ZNF415: variants seen among roughly 807,000 people sequenced by gnomAD.
The protein encoded by ZNF415 is zinc finger protein 415.
In ZNF415, 5 loss-of-function variants were observed where a neutral mutation model predicts 7.3. The ratio of observed to expected loss-of-function variants is 0.69; its 90% CI spans 0.36 to 1.44. The LOEUF is 1.44. Ranked by LOEUF, ZNF415 falls within the 40% of genes most tolerant of loss-of-function variation. The probability of loss-of-function intolerance (pLI) is 0.04; values close to 1 mark genes in which losing one functional copy is unlikely to be tolerated. For synonymous variants in ZNF415, 207 were observed against 226.3 expected (o/e 0.91, Z 0.77); for missense variants, 628 against 664.8 (o/e 0.94, Z 0.61).
intron 2 of ZNF415, 95 bp downstream of exon 2, chr19:53,122,567 C>T: frequency 6.2e-7 from 1 of 1,606,354 alleles, no homozygotes; most frequent in Non-Finnish European, 8.5e-7. Flanking sequence ...AGGCAGGATG[C>T]TTCAGACTCA....
At chr19:53,115,943 A>G in intron 3 of ZNF415, 1 of 732,426 alleles carries the variant, frequency 1.4e-6, no homozygotes, top group Non-Finnish European at 2.3e-6. Context: ...ATATTTCACA[A>G]ATTATTTCAC....
chr19:53,117,063 G>A (rs2087174213), intron 2 of ZNF415, among the ~76,000 whole-genome samples: 2 of 152,054 alleles, frequency 1.3e-5, no homozygotes, highest in Admixed American at 1.3e-4. Flanking sequence ...TCTAGATACA[G>A]GAATTTCATA....
At chr19:53,110,330 A>G (rs1442960569) in intron 3 of ZNF415, among the ~76,000 whole-genome samples, 1 of 152,244 alleles carries the variant, frequency 6.6e-6, no homozygotes, top group Non-Finnish European at 1.5e-5. Flanking sequence ...ACAATATATC[A>G]TAATGGTAAC....
At chr19:53,129,172 A>G (rs1339635015) in intron 1 of ZNF415, among the ~76,000 whole-genome samples, 1 of 152,186 alleles carries the variant, frequency 6.6e-6, no homozygotes, top group Non-Finnish European at 1.5e-5. Flanking sequence ...GGGTTTTGAC[A>G]TTTGGGAAAA....
chr19:53,120,001 A>AG, intron 2 of ZNF415, among the ~76,000 whole-genome samples: 3 of 100,838 alleles, frequency 3.0e-5, no homozygotes, highest in African/African-American at 9.6e-5. Flanking sequence ...TCAAACTAAA[A>AG]TTGAAACGGA....
Position 53,108,075 on chromosome 19 carries a change from A to G in ZNF415, c.*302T>C, listed in dbSNP as rs2085652817. ...TAGCTTCAACATGCACAAAATATAC[A>G]AAGATGTTTACACATTTTGATGTCT... On this transcript the variant is annotated 3_prime_UTR_variant, in exon 4 of 4. Transcript: ENST00000243643. 3.0e-6 allele frequency: 1 copy of G among 337,758 alleles called. No individual in the cohort carries two copies. The highest frequency in any genetic ancestry group is 2.1e-5 in the African/African-American group (1 of 47,140). 20.9% of individuals were successfully genotyped at this position (337,758 alleles called of 1,614,324 possible).
intron 3 of ZNF415, 84 bp downstream of exon 3, chr19:53,116,229 T>C (rs1269404705): frequency 2.7e-6 from 4 of 1,491,766 alleles, no homozygotes; most frequent in Non-Finnish European, 3.6e-6. Context: ...AGTCAGGTAA[T>C]GCAGGGGCTC....
chr19:53,132,435 G>T (rs1320419668), intron 1 of ZNF415, among the ~76,000 whole-genome samples: 2 of 152,064 alleles, frequency 1.3e-5, no homozygotes, highest in African/African-American at 4.8e-5. Context: ...GAGGTGGGGC[G>T]CGACAGCGCC....
intron 1 of ZNF415, 87 bp from the exon 2 acceptor site, chr19:53,122,830 C>A: frequency 1.9e-6 from 2 of 1,066,654 alleles, no homozygotes; most frequent in South Asian, 2.9e-5. Flanking sequence ...CAGGGAGGAG[C>A]TCGCCCTGTG....
In ZNF415 at chr19:53,109,713, G is replaced by T; in HGVS notation, c.332C>A (p.Thr111Asn). 1 of 1,613,952 alleles carries T rather than the reference G, an allele frequency of 6.2e-7. No individual in the cohort carries two copies. The highest frequency in any genetic ancestry group is 8.5e-7 in the Non-Finnish European group (1 of 1,179,972). Residue 111 changes from threonine to asparagine, a missense_variant, in exon 4 of 4, where the codon ACT becomes AAT. Physicochemically the swap from Thr to Asn is moderately conservative, Grantham distance 65. Transcript: ENST00000243643. ...RDDERNCNKV[T>N]TAPKENLTCR... ...AGTAAGATTTTCTTTTGGGGCCGTA[G>T]TCACTTTGTTGCAATTTCTTTCATC...
intron 2 of ZNF415, 92 bp from the exon 3 acceptor site, chr19:53,116,525 T>C (rs1450362907): frequency 7.2e-6 from 11 of 1,518,252 alleles, no homozygotes; most frequent in African/African-American, 1.4e-5. Context: ...AATTTAAGTA[T>C]AGATTTAATT....
chr19:53,117,954 C>T lies in ZNF415; in HGVS notation c.16-1521G>A, dbSNP rs544547059. ...TAATAAAGTGACAGTAATAAGCCCT[C>T]GCATATCAATAATGAACTTTATGTA... On this transcript the variant is annotated intron_variant, in intron 2 of 3. Transcript: ENST00000243643. 7.2e-5 allele frequency among the ~76,000 whole-genome samples: 11 copies of T among 152,166 alleles called. No homozygotes were observed. The East Asian group carries it at 1.5e-3, about 21-fold the overall frequency.
chr19:53,120,035 A>G (rs1394511657), intron 2 of ZNF415, among the ~76,000 whole-genome samples: 1 of 151,908 alleles, frequency 6.6e-6, no homozygotes, highest in Admixed American at 6.6e-5. Context: ...AACTCATTCT[A>G]TGAAGCCAGC....
At chr19:53,128,028 A>G (rs554482724) in intron 1 of ZNF415, among the ~76,000 whole-genome samples, 46 of 152,090 alleles carry the variant, frequency 3.0e-4, no homozygotes, top group African/African-American at 6.5e-4. Context: ...TGATCCCACA[A>G]GCATGCGTGG....
chr19:53,115,425 T>G, intron 3 of ZNF415: 1 of 435,066 alleles, frequency 2.3e-6, no homozygotes, highest in Non-Finnish European at 4.2e-6. Context: ...CCCCTCAGAG[T>G]GAAGGAGCCA....
intron 1 of ZNF415, among the ~76,000 whole-genome samples, chr19:53,132,250 A>G (rs1253378048): frequency 6.6e-6 from 1 of 152,044 alleles, no homozygotes; most frequent in Non-Finnish European, 1.5e-5. Flanking sequence ...CCTTTGGCCC[A>G]CACATTCACA....
At chr19:53,110,316 C>G (rs2086047827) in intron 3 of ZNF415, among the ~76,000 whole-genome samples, 1 of 152,084 alleles carries the variant, frequency 6.6e-6, no homozygotes, top group African/African-American at 2.4e-5. Context: ...GAAAAAAGTA[C>G]TACACAATAT....
chr19:53,124,435 G>C (rs2088683837), intron 1 of ZNF415: 1 of 152,010 alleles, frequency 6.6e-6, no homozygotes, highest in South Asian at 2.1e-4. Flanking sequence ...TTGACAACCA[G>C]CTCTCAGGGG....
intron 3 of ZNF415, among the ~76,000 whole-genome samples, chr19:53,110,998 C>T (rs751176044): frequency 1.3e-5 from 2 of 152,070 alleles, no homozygotes; most frequent in African/African-American, 2.4e-5. Context: ...ATGTTTAAAA[C>T]GAATTGAAAA....
Sources: gnomAD v4.1 joint callset for allele counts (sites outside exome capture counted in the v4.1 genomes callset) on GRCh38, gnomAD v4.1.1 for gene constraint, MANE v1.5 for transcripts, NCBI Gene and HGNC (gene_info 2026-07-23, HGNC 2026-07-21) for gene names.